The following GMDS variants were observed in gnomAD, a reference collection of about 807,000 sequenced individuals.
GMDS encodes the protein GDP-mannose 4,6-dehydratase.
In GMDS, 20 loss-of-function variants were observed where a neutral mutation model predicts 49.9. That is an observed-to-expected ratio of 0.40 (90% CI 0.28 to 0.58). The LOEUF (loss-of-function observed/expected upper bound fraction) is 0.58. Among genes scored for constraint, GMDS ranks in the 20% least tolerant of loss-of-function variants. The pLI is 0.42. For synonymous variants in GMDS, 177 were observed against 178.6 expected, an observed-to-expected ratio of 0.99 and a Z score of 0.07; for missense variants, 362 against 481.4, an observed-to-expected ratio of 0.75 and a Z score of 2.32.
intron 4 of GMDS, among the ~76,000 whole-genome samples, chr6:2,064,236 C>T (rs1046066810): frequency 2.0e-5 from 3 of 152,208 alleles, no homozygotes; most frequent in South Asian, 4.1e-4. Flanking sequence ...AGAAGTACTT[C>T]AGAATTTTTA....
At chr6:1,769,060 T>C (rs138236988) in intron 7 of GMDS, among the ~76,000 whole-genome samples, 22 of 152,348 alleles carry the variant, frequency 1.4e-4, no homozygotes, top group African/African-American at 5.1e-4. Flanking sequence ...TACTCAGTGA[T>C]AAAAAATTAT....
At chr6:1,859,301 C>A (rs940671914) in intron 7 of GMDS, among the ~76,000 whole-genome samples, 1 of 152,090 alleles carries the variant, frequency 6.6e-6, no homozygotes, top group African/African-American at 2.4e-5. Context: ...TGGCCCTCTA[C>A]AAACTATTTA....
chr6:1,942,246 C>T (rs573289815), intron 6 of GMDS, among the ~76,000 whole-genome samples: 57 of 152,318 alleles, frequency 3.7e-4, no homozygotes, highest in African/African-American at 1.2e-3. Flanking sequence ...CTCACTCTTC[C>T]ATTAGTCAAC....
chr6:1,867,119 G>A (rs1401115654), intron 7 of GMDS, among the ~76,000 whole-genome samples: 2 of 152,122 alleles, frequency 1.3e-5, no homozygotes, highest in Non-Finnish European at 2.9e-5. Context: ...CCACTCTGAT[G>A]ATATCAATTC....
intron 4 of GMDS, among the ~76,000 whole-genome samples, chr6:1,988,314 A>G (rs1001766352): frequency 6.6e-6 from 1 of 151,734 alleles, no homozygotes; most frequent in African/African-American, 2.4e-5. Context: ...ACTTCATATA[A>G]GCCTACGTGA....
intron 4 of GMDS, among the ~76,000 whole-genome samples, chr6:2,065,091 GCCT>G (rs1296396139): frequency 6.6e-6 from 1 of 152,092 alleles, no homozygotes; most frequent in African/African-American, 2.4e-5. Context: ...CAGGCAGACT[GCCT>G]CCTCAAGTGG....
chr6:1,710,112 T>C (rs1000664969), intron 9 of GMDS, among the ~76,000 whole-genome samples: 2 of 152,252 alleles, frequency 1.3e-5, no homozygotes, highest in Admixed American at 1.3e-4. Context: ...GAGCCCGTGC[T>C]ACAGCTGTAC....
At chr6:1,823,631 C>A (rs1000825830) in intron 7 of GMDS, among the ~76,000 whole-genome samples, 20 of 152,098 alleles carry the variant, frequency 1.3e-4, no homozygotes, top group African/African-American at 4.8e-4. Context: ...AAGGTTGTGA[C>A]CTTACCTCCC....
At chr6:2,190,590 A>G (rs1446667336) in intron 1 of GMDS, among the ~76,000 whole-genome samples, 1 of 152,154 alleles carries the variant, frequency 6.6e-6, no homozygotes, top group Non-Finnish European at 1.5e-5. Context: ...GGGAGAGAAT[A>G]CTTTTTTCTG....
At chr6:1,837,604 C>A (rs1424395232) in intron 7 of GMDS, among the ~76,000 whole-genome samples, 1 of 152,154 alleles carries the variant, frequency 6.6e-6, no homozygotes, top group Admixed American at 6.5e-5. Flanking sequence ...TGGGAAAATT[C>A]TCTGTGGGAG....
chr6:1,694,015 C>T (rs1007654568), intron 9 of GMDS, among the ~76,000 whole-genome samples: 3 of 152,184 alleles, frequency 2.0e-5, no homozygotes, highest in Non-Finnish European at 2.9e-5. Flanking sequence ...CAAGTTTCTC[C>T]AATTCCAAAG....
At position 2,074,397 on chromosome 6, in the gene GMDS, T is replaced by G. The variant is rs78736452; in HGVS notation, c.345+41374A>C. On this transcript the variant is annotated intron_variant, in intron 4 of 10. Coordinates refer to ENST00000380815, the MANE Select transcript of GMDS (RefSeq NM_001500.4). ...TTGAGCTATTTGAGTACCCTGCACA[T>G]TTTGGATATCAGTCCATTGTTGGAT... Among the ~76,000 whole-genome samples, 450 of 152,332 alleles carry G rather than the reference T, an allele frequency of 3.0e-3. 4 individuals are homozygous for G. The highest frequency in any genetic ancestry group is 5.1e-3 in the Non-Finnish European group (346 of 68,014).
intron 7 of GMDS, among the ~76,000 whole-genome samples, chr6:1,872,182 C>A (rs1438006257): frequency 1.3e-5 from 2 of 152,238 alleles, no homozygotes; most frequent in Non-Finnish European, 2.9e-5. Context: ...CAAACACTGG[C>A]CGGAATGCAG....
At chr6:1,641,262 A>G (rs986785415) in intron 9 of GMDS, among the ~76,000 whole-genome samples, 1 of 152,170 alleles carries the variant, frequency 6.6e-6, no homozygotes, top group African/African-American at 2.4e-5. Context: ...GTCCTGAAGG[A>G]TGTAATTCAG....
intron 4 of GMDS, among the ~76,000 whole-genome samples, chr6:1,970,976 T>C (rs1289654136): frequency 2.9e-4 from 4 of 13,872 alleles, no homozygotes; most frequent in South Asian, 2.3e-3. Flanking sequence ...GTAGGGTCCA[T>C]GGGGGTGGGC....
chr6:2,035,492 G>C (rs1177291245), intron 4 of GMDS, among the ~76,000 whole-genome samples: 1 of 151,868 alleles, frequency 6.6e-6, no homozygotes, highest in African/African-American at 2.4e-5. Context: ...CTTTCTATTT[G>C]GCATTTGACC....
In GMDS at chr6:2,080,504, T is replaced by C. The variant is rs907080567; in HGVS notation, c.345+35267A>G. Among the ~76,000 whole-genome samples the C allele has an allele frequency of 3.3e-5, 5 of 152,300 alleles. 1 individual carries two copies. The South Asian group carries it at 1.0e-3, about 32-fold the overall frequency. On this transcript the variant is annotated intron_variant, in intron 4 of 10. Coordinates refer to ENST00000380815, the MANE Select transcript of GMDS (RefSeq NM_001500.4). ...TGTTTTGAACATGTATCTATGGTGT[T>C]GGTTGGGTAGGGCACTTTAGCTATG...
chr6:2,245,131 G>GTA (rs750771160), intron 1 of GMDS, among the ~76,000 whole-genome samples, 190 bp downstream of exon 1: 6 of 152,228 alleles, frequency 3.9e-5, no homozygotes, highest in African/African-American at 4.8e-5. Context: ...GGCGCTCGAT[G>GTA]TATCCCGCAC....
chr6:2,046,621 G>A (rs1294779748), intron 4 of GMDS, among the ~76,000 whole-genome samples: 3 of 151,916 alleles, frequency 2.0e-5, no homozygotes. Context: ...CACTACCCCC[G>A]GTTAATTTTT....
Sources: allele counts gnomAD v4.1 joint callset (sites outside exome capture counted in the v4.1 genomes callset), GRCh38; gene constraint gnomAD v4.1.1; transcripts MANE v1.5; gene names NCBI Gene and HGNC (gene_info 2026-07-23, HGNC 2026-07-21).